ARHGEF7: variants seen among roughly 807,000 people sequenced by gnomAD.
ARHGEF7 encodes the protein Rho guanine nucleotide exchange factor 7, also known as PAK-interacting exchange factor beta.
A neutral mutation model predicts 109.8 loss-of-function variants in ARHGEF7; 33 were observed. The observed-to-expected ratio is 0.30, with a 90% CI of 0.23 to 0.40. ARHGEF7 has a LOEUF of 0.40. Among genes scored for constraint, ARHGEF7 ranks in the 10% least tolerant of loss-of-function variants. The pLI, the probability that ARHGEF7 is intolerant of heterozygous loss-of-function variation, is 1.00. For missense variants in ARHGEF7, 938 were observed against 1,098.5 expected (o/e 0.85, Z 2.07); for synonymous variants, 458 against 424.6 (o/e 1.08, Z -0.97).
At chr13:111,137,596 C>T (rs1157127244) in intron 1 of ARHGEF7, among the ~76,000 whole-genome samples, 1 of 152,128 alleles carries the variant, frequency 6.6e-6, no homozygotes, top group East Asian at 1.9e-4. Flanking sequence ...GGCAGAGAGA[C>T]AGAAAGGACA....
intron 6 of ARHGEF7, among the ~76,000 whole-genome samples, chr13:111,235,330 A>G (rs2086652308): frequency 6.6e-6 from 1 of 152,148 alleles, no homozygotes; most frequent in Admixed American, 6.6e-5. Context: ...TTTTCTTTGC[A>G]TTATATATTC....
At chr13:111,298,010 A>T (rs1323976040) in intron 19 of ARHGEF7, among the ~76,000 whole-genome samples, 1 of 152,262 alleles carries the variant, frequency 6.6e-6, no homozygotes, top group East Asian at 1.9e-4. Context: ...GCTTTTGTGA[A>T]TTTGACTCTG....
intron 19 of ARHGEF7, among the ~76,000 whole-genome samples, chr13:111,297,321 C>T (rs186054904): frequency 4.1e-4 from 62 of 152,322 alleles, no homozygotes; most frequent in Non-Finnish European, 6.0e-4. Context: ...GCATTTTTCA[C>T]ATTGGTGCAT....
chr13:111,286,078 C>G, intron 16 of ARHGEF7, 69 bp from the exon 17 acceptor site: 2 of 1,263,622 alleles, frequency 1.6e-6, no homozygotes, highest in South Asian at 2.5e-5. Flanking sequence ...TTTACAGCAG[C>G]CTTTCTGATA....
intron 1 of ARHGEF7, among the ~76,000 whole-genome samples, chr13:111,119,615 G>A (rs540564766): frequency 7.2e-5 from 11 of 152,350 alleles, no homozygotes; most frequent in Non-Finnish European, 1.3e-4. Context: ...CTTTGCTGAC[G>A]TGTGGGTAAG....
chr13:111,220,311 G>T (rs1020051107), intron 5 of ARHGEF7, among the ~76,000 whole-genome samples: 5 of 152,242 alleles, frequency 3.3e-5, no homozygotes, highest in Admixed American at 2.6e-4. Flanking sequence ...CGCACCTTTG[G>T]AGTAGGGACA....
intron 2 of ARHGEF7, among the ~76,000 whole-genome samples, chr13:111,194,751 T>G (rs1040927540): frequency 1.3e-5 from 2 of 152,118 alleles, no homozygotes; most frequent in African/African-American, 2.4e-5. Context: ...ACCAAACAGG[T>G]GAGGGCTATC....
chr13:111,221,243 G>A (rs564612385), intron 5 of ARHGEF7, among the ~76,000 whole-genome samples: 128 of 29,588 alleles, frequency 4.3e-3, no homozygotes, highest in Non-Finnish European at 6.1e-3. Flanking sequence ...AGATATATAT[G>A]TCTATATATA....
chr13:111,208,940 G>A (rs887029411), intron 3 of ARHGEF7, among the ~76,000 whole-genome samples: 1 of 152,234 alleles, frequency 6.6e-6, no homozygotes, highest in African/African-American at 2.4e-5. Context: ...TAGACCTGGT[G>A]TGGCCACATC....
chr13:111,285,948 A>G (rs2093001673), intron 16 of ARHGEF7, among the ~76,000 whole-genome samples, 199 bp from the exon 17 acceptor site: 1 of 152,192 alleles, frequency 6.6e-6, no homozygotes, highest in African/African-American at 2.4e-5. Context: ...CCAATGACTA[A>G]TACTGAAAAT....
chr13:111,277,246 T>C (rs954758976), intron 12 of ARHGEF7, among the ~76,000 whole-genome samples: 1 of 152,364 alleles, frequency 6.6e-6, no homozygotes, highest in Non-Finnish European at 1.5e-5. Flanking sequence ...CTGAACTCTT[T>C]AACCAAATAT....
chr13:111,115,978 G>C (rs2066732903), intron 1 of ARHGEF7, among the ~76,000 whole-genome samples: 1 of 151,916 alleles, frequency 6.6e-6, no homozygotes. Flanking sequence ...CGGGGCTTCT[G>C]CGCCGCCCGA....
At position 111,131,416 on chromosome 13, in the gene ARHGEF7, G is replaced by A. The variant is rs1353075948; in HGVS notation, c.165+15725G>A. Among the ~76,000 whole-genome samples the A allele has an allele frequency of 6.6e-6, 1 of 152,196 alleles. No homozygotes were observed. Among genetic ancestry groups the A allele is most frequent in the African/African-American group, 2.4e-5 (1 of 41,458 alleles). Reference sequence around the variant, plus strand: ...AGATCAGGAATGGATTCAGGGTTGGGTGTGTCGTTGGAGGCATCCGCATAG... The same window carrying A: ...AGATCAGGAATGGATTCAGGGTTGGATGTGTCGTTGGAGGCATCCGCATAG... On this transcript the variant is annotated intron_variant, in intron 1 of 21. Transcript: ENST00000646102. This position sits in a 1 kb window ranked among gnomAD's most constrained non-coding sequence, Gnocchi z 4.4.
At chr13:111,180,045 G>C (rs2078584812) in intron 2 of ARHGEF7, among the ~76,000 whole-genome samples, 1 of 152,168 alleles carries the variant, frequency 6.6e-6, no homozygotes, top group Non-Finnish European at 1.5e-5. Context: ...AGCATCCACT[G>C]CCTACGTGCC....
intron 1 of ARHGEF7, among the ~76,000 whole-genome samples, chr13:111,150,180 T>C (rs1328436432): frequency 6.6e-6 from 1 of 152,234 alleles, no homozygotes; most frequent in African/African-American, 2.4e-5. Flanking sequence ...CTCAAATCTT[T>C]AAGCATCTCA....
intron 20 of ARHGEF7, 41 bp from the exon 21 acceptor site, chr13:111,301,437 C>G: frequency 6.3e-7 from 1 of 1,581,720 alleles, no homozygotes; most frequent in Non-Finnish European, 8.7e-7. Context: ...CTCTCCATGC[C>G]TCACCTTGTT....
chr13:111,127,157 C>G (rs1360270652), intron 1 of ARHGEF7, among the ~76,000 whole-genome samples: 1 of 152,118 alleles, frequency 6.6e-6, no homozygotes, highest in Non-Finnish European at 1.5e-5. Context: ...ATTTCTACAA[C>G]TTAGATGAAA....
At chr13:111,120,413 A>G (rs1378582167) in intron 1 of ARHGEF7, among the ~76,000 whole-genome samples, 2 of 152,194 alleles carry the variant, frequency 1.3e-5, no homozygotes, top group Admixed American at 1.3e-4. Flanking sequence ...ACACGAACTT[A>G]TGCACACACG....
Position 111,303,288 on chromosome 13 carries a change from C to T in ARHGEF7, c.*175C>T. ...GCGAATGGAGACGATCAAACCATGA[C>T]TGATGAATCCAGACAGGAGGGATTG... On this transcript the variant is annotated 3_prime_UTR_variant, in exon 22 of 22. Coordinates refer to ENST00000646102, the MANE Select transcript of ARHGEF7 (RefSeq NM_001354046.2). The T allele has an allele frequency of 1.8e-6, 1 of 568,814 alleles. No individual in the cohort carries two copies. Among genetic ancestry groups the T allele is most frequent in the Non-Finnish European group, 3.0e-6 (1 of 336,612 alleles). The allele number at this position is 568,814 out of a possible 1,614,324, so 35.2% of individuals were successfully genotyped here. A position where few individuals can be genotyped will look rare whatever the true frequency, so the allele number is the denominator to read the frequency against.
Sources: allele counts gnomAD v4.1 joint callset (sites outside exome capture counted in the v4.1 genomes callset), GRCh38; gene constraint gnomAD v4.1.1; non-coding constraint Gnocchi (gnomAD v3.1); transcripts MANE v1.5; gene names NCBI Gene and HGNC (gene_info 2026-07-23, HGNC 2026-07-21).